ADAM23: variants seen among roughly 807,000 people sequenced by gnomAD.
The protein encoded by ADAM23 is ADAM metallopeptidase domain 23, also known as disintegrin and metalloproteinase domain-containing protein 23.
In ADAM23, 33 loss-of-function variants were observed where a neutral mutation model predicts 120.1. That is an observed-to-expected ratio of 0.27 (90% CI 0.21 to 0.37). The LOEUF (loss-of-function observed/expected upper bound fraction) is 0.37. Ranked by LOEUF, ADAM23 falls within the 10% of genes least tolerant of loss-of-function variation. The pLI, the probability that ADAM23 is intolerant of heterozygous loss-of-function variation, is 1.00. For synonymous variants in ADAM23, 367 were observed against 375.2 expected, an observed-to-expected ratio of 0.98 and a Z score of 0.25; for missense variants, 862 against 1,058.2, an observed-to-expected ratio of 0.81 and a Z score of 2.57.
At chr2:206,502,132 G>A (rs1439367530) in intron 3 of ADAM23, among the ~76,000 whole-genome samples, 1 of 152,088 alleles carries the variant, frequency 6.6e-6, no homozygotes, top group African/African-American at 2.4e-5. Context: ...CCATCAGTAT[G>A]CAATACCACA....
chr2:206,460,122 C>T (rs1256603440), intron 2 of ADAM23, among the ~76,000 whole-genome samples: 5 of 148,224 alleles, frequency 3.4e-5, no homozygotes, highest in African/African-American at 1.2e-4. Context: ...TTTTTTTTTC[C>T]CACCTCCAAT....
chr2:206,482,203 A>G (rs1574490200), intron 3 of ADAM23, among the ~76,000 whole-genome samples: 1 of 152,202 alleles, frequency 6.6e-6, no homozygotes, highest in Admixed American at 6.5e-5. Flanking sequence ...AAAAAAATGC[A>G]AAGTCAGCTT....
rs1050563152 is a variant in ADAM23, at chr2:206,496,977, C to T, written c.509+15669C>T. On this transcript the variant is annotated intron_variant, in intron 3 of 25. Coordinates refer to ENST00000264377, the MANE Select transcript of ADAM23 (RefSeq NM_003812.4). The stretch of plus-strand genomic sequence containing the variant: ...GAAGAAGTTGAATCTCTGAATAGAC[C>T]AATAACGGGCTCTGAAATTGAGGCA... Among the ~76,000 whole-genome samples the T allele has an allele frequency of 6.6e-5, 10 of 152,128 alleles. No individual in the cohort carries two copies. In the South Asian group the frequency reaches 1.5e-3, roughly 22 times the overall value.
chr2:206,525,772 A>G (rs1696931058), intron 3 of ADAM23, among the ~76,000 whole-genome samples: 1 of 151,932 alleles, frequency 6.6e-6, no homozygotes, highest in Admixed American at 6.6e-5. Context: ...TTGTATTTTT[A>G]GTACAGATGG....
chr2:206,444,808 A>G (rs867343794), intron 1 of ADAM23, among the ~76,000 whole-genome samples: 4 of 152,320 alleles, frequency 2.6e-5, no homozygotes, highest in Middle Eastern at 3.4e-3. Context: ...TTTTGTTAAA[A>G]GAGTCGATTA....
chr2:206,610,131 A>G, intron 25 of ADAM23, 131 bp downstream of exon 25: 3 of 743,518 alleles, frequency 4.0e-6, no homozygotes, highest in South Asian at 2.4e-5. Context: ...AAGTCTTTTT[A>G]TTCAGAAATG....
Position 206,619,263 on chromosome 2 carries a change from C to G in ADAM23, c.*1636C>G, listed in dbSNP as rs1252503115. 1 of 152,186 alleles carries G rather than the reference C, an allele frequency of 6.6e-6. No individual in the cohort carries two copies. Among genetic ancestry groups the G allele is most frequent in the Non-Finnish European group, 1.5e-5 (1 of 68,032 alleles). 9.4% of individuals were successfully genotyped at this position (152,186 alleles called of 1,614,324 possible). ...TATACAAATCCACATTGTTCTTCTC[C>G]CTCCAGCCAGATTTGCAGATGTAAT... On this transcript the variant is annotated 3_prime_UTR_variant, in exon 26 of 26. Coordinates refer to ENST00000264377, the MANE Select transcript of ADAM23 (RefSeq NM_003812.4).
At chr2:206,602,975 G>C (rs557995772) in intron 24 of ADAM23, among the ~76,000 whole-genome samples, 2 of 152,268 alleles carry the variant, frequency 1.3e-5, no homozygotes, top group South Asian at 4.1e-4. Flanking sequence ...GTGTATCAAA[G>C]AGTTAGGGAG....
chr2:206,495,067 A>T (rs1463432754), intron 3 of ADAM23, among the ~76,000 whole-genome samples: 1 of 152,236 alleles, frequency 6.6e-6, no homozygotes, highest in Non-Finnish European at 1.5e-5. Flanking sequence ...CAAGTTGGAA[A>T]ACACTCTGCA....
At chr2:206,493,156 A>G (rs982720610) in intron 3 of ADAM23, among the ~76,000 whole-genome samples, 2 of 152,180 alleles carry the variant, frequency 1.3e-5, no homozygotes, top group Non-Finnish European at 2.9e-5. Context: ...TTCATACACT[A>G]GAATCTCATC....
At chr2:206,570,834 ACTT>A (rs1465341261) in intron 16 of ADAM23, 23 bp downstream of exon 16, 1 of 1,596,312 alleles carries the variant, frequency 6.3e-7, no homozygotes, top group South Asian at 1.1e-5. Flanking sequence ...AACCTTCTAT[ACTT>A]ACAGCACAGA....
chr2:206,461,148 G>A (rs1474030713), intron 2 of ADAM23, among the ~76,000 whole-genome samples: 3 of 145,260 alleles, frequency 2.1e-5, no homozygotes, highest in African/African-American at 7.7e-5. Context: ...CTGCAACATC[G>A]CCTCCTCGGT....
intron 20 of ADAM23, among the ~76,000 whole-genome samples, chr2:206,588,947 A>G (rs1264417603): frequency 2.0e-5 from 3 of 152,236 alleles, no homozygotes; most frequent in Non-Finnish European, 4.4e-5. Context: ...TTTAATTATC[A>G]AAACTCAGGT....
At chr2:206,576,950 A>G (rs1361433090) in intron 18 of ADAM23, among the ~76,000 whole-genome samples, 1 of 152,192 alleles carries the variant, frequency 6.6e-6, no homozygotes, top group Non-Finnish European at 1.5e-5. Context: ...AAACACTTCT[A>G]AATGCTATTG....
intron 24 of ADAM23, among the ~76,000 whole-genome samples, chr2:206,601,990 G>C (rs935056965): frequency 6.6e-6 from 1 of 151,970 alleles, no homozygotes; most frequent in Non-Finnish European, 1.5e-5. Flanking sequence ...ATTTTCTGAG[G>C]TATTAACCTT....
chr2:206,514,179 T>C (rs1458607064), intron 3 of ADAM23, among the ~76,000 whole-genome samples: 1 of 152,208 alleles, frequency 6.6e-6, no homozygotes, highest in Non-Finnish European at 1.5e-5. Context: ...TATTACATTT[T>C]GTAAAGTGAT....
At chr2:206,600,685 ACTGAAAGCATAC>A (rs1177205307) in intron 24 of ADAM23, among the ~76,000 whole-genome samples, 1 of 152,128 alleles carries the variant, frequency 6.6e-6, no homozygotes, top group Non-Finnish European at 1.5e-5. Flanking sequence ...CTGTGTGAGG[ACTGAAAGCATAC>A]CTGAAAGCAT....
intron 3 of ADAM23, among the ~76,000 whole-genome samples, chr2:206,495,150 G>T (rs367795354): frequency 1.3e-5 from 2 of 151,934 alleles, no homozygotes; most frequent in Non-Finnish European, 2.9e-5. Flanking sequence ...AATAGAGAAC[G>T]CCACAAAGAT....
At chr2:206,447,424 A>C (rs536801076) in intron 2 of ADAM23, among the ~76,000 whole-genome samples, 4 of 152,380 alleles carry the variant, frequency 2.6e-5, no homozygotes, top group Admixed American at 6.5e-5. Context: ...ATGAAAAGAC[A>C]TGATCTATCC....
Sources: allele counts gnomAD v4.1 joint callset (sites outside exome capture counted in the v4.1 genomes callset), GRCh38; gene constraint gnomAD v4.1.1; transcripts MANE v1.5; gene names NCBI Gene and HGNC (gene_info 2026-07-23, HGNC 2026-07-21).